The following NBEA variants were observed in gnomAD, a reference collection of about 807,000 sequenced individuals.
NBEA encodes neurobeachin, also known as lysosomal-trafficking regulator 2.
NBEA carries 44 observed loss-of-function variants against 343.4 expected under a neutral mutation model. The observed-to-expected ratio is 0.13, with a 90% confidence interval of 0.10 to 0.16. NBEA has a LOEUF of 0.16. Ranked by LOEUF, NBEA falls within the 10% of genes least tolerant of loss-of-function variation. The pLI is 1.00. For missense variants in NBEA, 2,555 were observed against 3,631.3 expected (o/e 0.70, Z 7.62); for synonymous variants, 1,175 against 1,238.7 (o/e 0.95, Z 1.08).
intron 41 of NBEA, among the ~76,000 whole-genome samples, chr13:35,512,839 C>T (rs941320243): frequency 6.6e-6 from 1 of 152,178 alleles, no homozygotes; most frequent in East Asian, 1.9e-4. Context: ...CCTCATAGGT[C>T]GACCTCCTTC....
intron 45 of NBEA, among the ~76,000 whole-genome samples, chr13:35,570,431 G>C (rs1479292502): frequency 2.0e-5 from 3 of 152,176 alleles, no homozygotes; most frequent in Non-Finnish European, 4.4e-5. Context: ...TTTATATAGT[G>C]TTAAGTAAAT....
intron 5 of NBEA, 100 bp from the exon 6 acceptor site, chr13:35,050,169 C>T: frequency 1.8e-6 from 2 of 1,117,008 alleles, no homozygotes; most frequent in Non-Finnish European, 2.5e-6. Context: ...TTCTACTGTA[C>T]AGGGAAATAA....
At chr13:35,296,909 C>T (rs77974795) in intron 35 of NBEA, among the ~76,000 whole-genome samples, 383 of 152,066 alleles carry the variant, frequency 2.5e-3, no homozygotes, top group African/African-American at 8.9e-3. Context: ...TACATTTCCT[C>T]ATGATCATTT....
chr13:35,614,656 A>G (rs370004902), intron 48 of NBEA, among the ~76,000 whole-genome samples: 2 of 152,338 alleles, frequency 1.3e-5, no homozygotes, highest in East Asian at 1.9e-4. Context: ...GTATCAACAG[A>G]TGAAGTGACA....
intron 38 of NBEA, among the ~76,000 whole-genome samples, chr13:35,423,921 G>A (rs1202829810): frequency 1.3e-5 from 2 of 152,152 alleles, no homozygotes; most frequent in African/African-American, 4.8e-5. Flanking sequence ...AATTGTGAAT[G>A]CGAGTTCACT....
At chr13:35,479,461 G>A (rs2076031135) in intron 41 of NBEA, among the ~76,000 whole-genome samples, 1 of 152,124 alleles carries the variant, frequency 6.6e-6, no homozygotes, top group African/African-American at 2.4e-5. Flanking sequence ...ATTCGGAGAA[G>A]CGTGTTTTCC....
At chr13:35,610,446 A>G (rs192098003) in intron 48 of NBEA, among the ~76,000 whole-genome samples, 29 of 152,288 alleles carry the variant, frequency 1.9e-4, no homozygotes. Flanking sequence ...TTGGCATTCA[A>G]CAAATGGTGC....
chr13:35,036,026 G>A (rs937893968), intron 1 of NBEA, among the ~76,000 whole-genome samples: 1 of 151,890 alleles, frequency 6.6e-6, no homozygotes, highest in Non-Finnish European at 1.5e-5. Flanking sequence ...TTATTATTAA[G>A]TAAGGATGTA....
intron 34 of NBEA, among the ~76,000 whole-genome samples, chr13:35,254,163 A>G (rs2032308870): frequency 1.3e-5 from 2 of 152,012 alleles, no homozygotes; most frequent in African/African-American, 2.4e-5. Context: ...AATAATATAT[A>G]TAAGAACTTT....
At chr13:35,229,112 C>T (rs916580963) in intron 33 of NBEA, among the ~76,000 whole-genome samples, 2 of 152,080 alleles carry the variant, frequency 1.3e-5, no homozygotes, top group Non-Finnish European at 2.9e-5. Flanking sequence ...CTCACTGCAG[C>T]CTTGACCTCC....
chr13:35,624,130 G>C (rs760670143), intron 48 of NBEA, among the ~76,000 whole-genome samples: 3 of 151,730 alleles, frequency 2.0e-5, no homozygotes, highest in Admixed American at 1.3e-4. Context: ...TCAGGAAAAA[G>C]ATAGGGATTT....
intron 11 of NBEA, among the ~76,000 whole-genome samples, chr13:35,100,433 T>C (rs920295594): frequency 5.3e-5 from 8 of 152,030 alleles, no homozygotes; most frequent in African/African-American, 1.9e-4. Flanking sequence ...ATACTCTTTT[T>C]CTGTATCTAG....
chr13:35,633,866 G>C (rs577111075), intron 49 of NBEA, among the ~76,000 whole-genome samples: 1 of 152,112 alleles, frequency 6.6e-6, no homozygotes, highest in East Asian at 1.9e-4. Context: ...GAGAAAATAA[G>C]TTAATTTGTT....
chr13:35,169,270 A>T (rs1015505159), intron 25 of NBEA, among the ~76,000 whole-genome samples: 5 of 151,568 alleles, frequency 3.3e-5, no homozygotes, highest in African/African-American at 1.2e-4. Context: ...AATTGGTTCT[A>T]AGGAAAGTAA....
At chr13:35,258,422 C>T (rs1462504023) in intron 34 of NBEA, among the ~76,000 whole-genome samples, 1 of 151,882 alleles carries the variant, frequency 6.6e-6, no homozygotes, top group Non-Finnish European at 1.5e-5. Flanking sequence ...CCTCAGCGTC[C>T]CTAAGTGCTG....
At chr13:34,962,786 C>G in intron 1 of NBEA, among the ~76,000 whole-genome samples, 1 of 151,914 alleles carries the variant, frequency 6.6e-6, no homozygotes, top group East Asian at 1.9e-4. Context: ...GGAATTCTAC[C>G]TTTACCTGGA....
At chr13:35,461,115 C>T (rs969780738) in intron 40 of NBEA, among the ~76,000 whole-genome samples, 6 of 152,196 alleles carry the variant, frequency 3.9e-5, no homozygotes, top group African/African-American at 1.4e-4. Context: ...CTTAAAGGCA[C>T]CACTTCTCAA....
chr13:35,060,170 G>A (rs991816495), intron 8 of NBEA, among the ~76,000 whole-genome samples: 3 of 150,878 alleles, frequency 2.0e-5, no homozygotes, highest in African/African-American at 7.3e-5. Flanking sequence ...AGAGTGACAA[G>A]CAAACAAATG....
chr13:35,518,159 C>T (rs1430987366), intron 41 of NBEA, among the ~76,000 whole-genome samples: 2 of 152,062 alleles, frequency 1.3e-5, no homozygotes, highest in East Asian at 1.9e-4. Flanking sequence ...ATGAAGGTCA[C>T]TATTTCCTTG....
Sources: gnomAD v4.1 joint callset for allele counts (sites outside exome capture counted in the v4.1 genomes callset) on GRCh38, gnomAD v4.1.1 for gene constraint, MANE v1.5 for transcripts, NCBI Gene and HGNC (gene_info 2026-07-23, HGNC 2026-07-21) for gene names.